Variants in OTUD5 observed in about 807,000 individuals in gnomAD.
OTUD5 encodes OTU deubiquitinase 5, also known as OTU domain-containing protein 5.
A neutral mutation model predicts 36.3 loss-of-function variants in OTUD5; 2 were observed. The ratio of observed to expected loss-of-function variants is 0.06; its 90% CI spans 0.02 to 0.17. The LOEUF is 0.17. Ranked by LOEUF, OTUD5 falls within the 10% of genes least tolerant of loss-of-function variation. The pLI is 1.00. For missense variants in OTUD5, 233 were observed against 512.3 expected, an observed-to-expected ratio of 0.45 and a Z score of 5.26; for synonymous variants, 234 against 214.9, an observed-to-expected ratio of 1.09 and a Z score of -0.78.
At chrX:48,956,108 T>C (rs1169428603) in intron 1 of OTUD5, among the ~76,000 whole-genome samples, 4 of 111,704 alleles carry the variant, frequency 3.6e-5, no homozygotes, top group African/African-American at 1.3e-4. Context: ...CTGAAGCGGT[T>C]CAGGCCCTTG....
upstream of OTUD5, chrX:48,957,835 C>G (rs2064284602): frequency 1.3e-6 from 1 of 756,235 alleles, no homozygotes; most frequent in Non-Finnish European, 1.6e-6. Flanking sequence ...TCTTAGCCTT[C>G]TCTCCAAGTC....
At chrX:48,945,266 CTTTTTTT>C (rs139382090) in intron 1 of OTUD5, among the ~76,000 whole-genome samples, 6 of 73,272 alleles carry the variant, frequency 8.2e-5, no homozygotes, top group African/African-American at 2.3e-4. Context: ...AAAATCAAGT[CTTTTTTT>C]TTTTTTTTTT....
chrX:48,957,688 G>C (rs2064277927), upstream of OTUD5: 2 of 795,802 alleles, frequency 2.5e-6, no homozygotes, highest in Non-Finnish European at 3.0e-6. Context: ...CCCGGATAAA[G>C]GGATCGCGGC....
intron 5 of OTUD5, among the ~76,000 whole-genome samples, chrX:48,931,588 GGCCA>G (rs2063752239): frequency 9.6e-6 from 1 of 104,571 alleles, no homozygotes; most frequent in African/African-American, 3.5e-5. Flanking sequence ...AGACCAGCGT[GGCCA>G]ACATGGTGAA....
At chrX:48,950,333 G>C (rs908567456) in intron 1 of OTUD5, among the ~76,000 whole-genome samples, 1 of 109,682 alleles carries the variant, frequency 9.1e-6, no homozygotes, top group African/African-American at 3.3e-5. Context: ...CAGAGAAGGC[G>C]ATGGTGAAGA....
At chrX:48,954,391 G>C (rs1557054656) in intron 1 of OTUD5, among the ~76,000 whole-genome samples, 1 of 110,926 alleles carries the variant, frequency 9.0e-6, no homozygotes, top group Non-Finnish European at 1.9e-5. Context: ...GTATCGCAAG[G>C]GAGGGGAGTA....
intron 2 of OTUD5, among the ~76,000 whole-genome samples, chrX:48,937,256 G>A (rs1602395047): frequency 8.9e-6 from 1 of 112,183 alleles, no homozygotes; most frequent in Non-Finnish European, 1.9e-5. Context: ...TTAGAAGCCA[G>A]GACCACAGAG....
At position 48,957,559 on chromosome X, in the gene OTUD5, G is replaced by T; in HGVS notation, c.12C>A (p.Leu4=). The change falls in exon 1 of 9, where the codon CTC becomes CTA. Residue 4 remains leucine, a synonymous_variant. Transcript: ENST00000376488. MTI[L]PKKKPPPPDA... ...CGGGAGGCGGCGGCTTCTTTTTGGG[G>T]AGTATAGTCATGGCTGCACTGCCGA... is the stretch of plus-strand genomic sequence containing the variant. 2.4e-6 allele frequency: 2 copies of T among 834,293 alleles called. No homozygotes were observed. Among genetic ancestry groups the T allele is most frequent in the Non-Finnish European group, 2.9e-6 (2 of 682,556 alleles). The allele number at this position is 834,293 out of a possible 1,213,427, so 68.8% of individuals were successfully genotyped here. A position where few individuals can be genotyped will look rare whatever the true frequency, so the allele number is the denominator to read the frequency against.
chrX:48,949,554 T>G (rs1377313568), intron 1 of OTUD5, among the ~76,000 whole-genome samples: 1 of 111,139 alleles, frequency 9.0e-6, no homozygotes, highest in Non-Finnish European at 1.9e-5. Context: ...AGCAGGCGCC[T>G]GTAATCCCAA....
intron 1 of OTUD5, among the ~76,000 whole-genome samples, chrX:48,952,322 G>A (rs911093886): frequency 5.4e-5 from 6 of 112,087 alleles, no homozygotes; most frequent in South Asian, 7.3e-4. Flanking sequence ...GAAATTGGGG[G>A]ATCATAGCTA....
chrX:48,953,971 C>G (rs1358241234), intron 1 of OTUD5, among the ~76,000 whole-genome samples: 1 of 110,957 alleles, frequency 9.0e-6, no homozygotes, highest in Non-Finnish European at 1.9e-5. Flanking sequence ...CAGGAGGAAT[C>G]TTCCCTCTTC....
chrX:48,958,327 G>A (rs1053969899), upstream of OTUD5: 2 of 112,900 alleles, frequency 1.8e-5, no homozygotes, highest in African/African-American at 6.4e-5. Flanking sequence ...AACGCTGTCA[G>A]CCGGAATGAC....
intron 1 of OTUD5, among the ~76,000 whole-genome samples, chrX:48,954,344 T>C (rs1273476906): frequency 9.0e-6 from 1 of 110,791 alleles, no homozygotes; most frequent in Non-Finnish European, 1.9e-5. Context: ...CATGGCAGCA[T>C]AGGATGTTCT....
chrX:48,928,184 C>T (rs2063695569), intron 5 of OTUD5, among the ~76,000 whole-genome samples: 1 of 112,301 alleles, frequency 8.9e-6, no homozygotes. Context: ...GCAAATAATA[C>T]AGCCACTTGG....
At chrX:48,944,044 G>A (rs781946092) in intron 2 of OTUD5, 146 bp downstream of exon 2, 9 of 430,916 alleles carry the variant, frequency 2.1e-5, no homozygotes, top group Middle Eastern at 5.3e-4. Context: ...CACGGCTAGA[G>A]GTCAGATACC....
At chrX:48,934,905 A>G in intron 3 of OTUD5, 38 bp from the exon 4 acceptor site, 1 of 1,204,278 alleles carries the variant, frequency 8.3e-7, no homozygotes, top group Non-Finnish European at 1.1e-6. Flanking sequence ...CTGTGTGGAG[A>G]AGAAATCCTC....
At chrX:48,929,116 G>A (rs1434012590) in intron 5 of OTUD5, among the ~76,000 whole-genome samples, 4 of 111,759 alleles carry the variant, frequency 3.6e-5, no homozygotes, top group Admixed American at 9.6e-5. Context: ...GGCTGGGCAC[G>A]GTGGCTCATG....
chrX:48,932,161 GATAATA>G (rs781824408), intron 5 of OTUD5, among the ~76,000 whole-genome samples: 1,414 of 88,707 alleles, frequency 0.016, 14 homozygotes, highest in Middle Eastern at 0.021. Flanking sequence ...AAAAAAAGAT[GATAATA>G]ATAATAATAA....
chrX:48,935,854 G>A (rs782637390), intron 2 of OTUD5, among the ~76,000 whole-genome samples: 33 of 103,096 alleles, frequency 3.2e-4, no homozygotes, highest in Admixed American at 2.1e-3. Context: ...CAGGAGAATC[G>A]CTTGAACCCA....
Sources: allele counts gnomAD v4.1 joint callset (sites outside exome capture counted in the v4.1 genomes callset), GRCh38; gene constraint gnomAD v4.1.1; transcripts MANE v1.5; gene names NCBI Gene and HGNC (gene_info 2026-07-23, HGNC 2026-07-21).